The following PLXDC2 variants were observed in gnomAD, a reference collection of about 807,000 sequenced individuals.
The protein encoded by PLXDC2 is plexin domain-containing protein 2.
PLXDC2 carries 40 observed loss-of-function variants against 68.9 expected under a neutral mutation model. That is an observed-to-expected ratio of 0.58 (90% CI 0.45 to 0.76). PLXDC2 has a LOEUF of 0.76. Ranked by LOEUF, PLXDC2 falls within the 30% of genes least tolerant of loss-of-function variation. The pLI, the probability that PLXDC2 is intolerant of heterozygous loss-of-function variation, is 0.00. For missense variants in PLXDC2, 644 were observed against 661.9 expected (o/e 0.97, Z 0.30); for synonymous variants, 243 against 234.2 (o/e 1.04, Z -0.34).
intron 1 of PLXDC2, among the ~76,000 whole-genome samples, chr10:19,888,455 A>T (rs150483526): frequency 6.6e-6 from 1 of 152,164 alleles, no homozygotes; most frequent in African/African-American, 2.4e-5. Flanking sequence ...AGAGAGTTAG[A>T]CCTACAATGA....
chr10:19,926,736 A>G (rs1453483026), intron 1 of PLXDC2, among the ~76,000 whole-genome samples: 1 of 152,184 alleles, frequency 6.6e-6, no homozygotes, highest in Non-Finnish European at 1.5e-5. Context: ...AGAAGACTTC[A>G]CTGTGAAATG....
chr10:19,848,940 T>C (rs2131324431), intron 1 of PLXDC2, among the ~76,000 whole-genome samples: 1 of 152,336 alleles, frequency 6.6e-6, no homozygotes, highest in Admixed American at 6.5e-5. Context: ...TTTTTCACTT[T>C]AAGTGAGAAG....
intron 1 of PLXDC2, among the ~76,000 whole-genome samples, chr10:19,893,212 T>C (rs1169723800): frequency 6.6e-6 from 1 of 152,140 alleles, no homozygotes; most frequent in Admixed American, 6.5e-5. Context: ...GAGTCTAGTG[T>C]GAATAAAAAC....
intron 1 of PLXDC2, among the ~76,000 whole-genome samples, chr10:19,938,055 T>C (rs1485038961): frequency 1.3e-5 from 2 of 152,176 alleles, no homozygotes; most frequent in Non-Finnish European, 2.9e-5. Context: ...TCTATTTGCT[T>C]GGTGGCATCG....
At chr10:20,224,240 A>G (rs1292981984) in intron 12 of PLXDC2, among the ~76,000 whole-genome samples, 1 of 151,990 alleles carries the variant, frequency 6.6e-6, no homozygotes, top group African/African-American at 2.4e-5. Context: ...TCCCAAAGTG[A>G]TGGGATTACA....
At chr10:20,065,602 C>A (rs975818788) in intron 3 of PLXDC2, among the ~76,000 whole-genome samples, 1 of 152,108 alleles carries the variant, frequency 6.6e-6, no homozygotes, top group African/African-American at 2.4e-5. Flanking sequence ...ATACAACTCA[C>A]CATAATATAA....
chr10:20,118,408 G>C (rs1400885471), intron 4 of PLXDC2, among the ~76,000 whole-genome samples: 3 of 152,112 alleles, frequency 2.0e-5, no homozygotes, highest in African/African-American at 7.2e-5. Flanking sequence ...AAACACAACT[G>C]CAATCGGGGA....
chr10:20,012,808 G>A (rs1171451260), intron 2 of PLXDC2, among the ~76,000 whole-genome samples: 1 of 152,106 alleles, frequency 6.6e-6, no homozygotes, highest in Non-Finnish European at 1.5e-5. Flanking sequence ...TTTTCTTTTT[G>A]TGTTTCCCTG....
chr10:19,924,979 C>T (rs78397177), intron 1 of PLXDC2, among the ~76,000 whole-genome samples: 4 of 152,110 alleles, frequency 2.6e-5, no homozygotes, highest in Admixed American at 6.5e-5. Context: ...TCGGTTACCT[C>T]GCCATGCTTT....
At chr10:20,228,634 G>T (rs975106519) in intron 12 of PLXDC2, among the ~76,000 whole-genome samples, 6 of 150,472 alleles carry the variant, frequency 4.0e-5, no homozygotes, top group Non-Finnish European at 8.9e-5. Flanking sequence ...AGGAAGGGCG[G>T]AAGGGAGGGA....
chr10:19,849,936 G>A (rs1018482125), intron 1 of PLXDC2, among the ~76,000 whole-genome samples: 1 of 152,248 alleles, frequency 6.6e-6, no homozygotes, highest in Admixed American at 6.5e-5. Context: ...CTTCACCTGT[G>A]GTGTGGGCTT....
intron 1 of PLXDC2, among the ~76,000 whole-genome samples, chr10:19,817,730 G>T (rs1443204494): frequency 6.6e-6 from 1 of 152,232 alleles, no homozygotes; most frequent in Non-Finnish European, 1.5e-5. Context: ...GCTGGAAGGG[G>T]GGCGGGGTAA....
intron 4 of PLXDC2, among the ~76,000 whole-genome samples, chr10:20,089,225 A>G (rs1327605976): frequency 1.3e-5 from 2 of 151,184 alleles, no homozygotes; most frequent in East Asian, 3.9e-4. Context: ...TTTAAATACA[A>G]TGTAGAGATG....
At chr10:20,110,714 T>G (rs945511272) in intron 4 of PLXDC2, among the ~76,000 whole-genome samples, 1 of 152,184 alleles carries the variant, frequency 6.6e-6, no homozygotes, top group African/African-American at 2.4e-5. Flanking sequence ...GACCTCAGGA[T>G]TGGGGAATCA....
intron 1 of PLXDC2, among the ~76,000 whole-genome samples, chr10:19,888,126 G>A (rs1431703280): frequency 1.3e-5 from 2 of 152,184 alleles, no homozygotes; most frequent in Non-Finnish European, 2.9e-5. Flanking sequence ...TTTTTGAAGA[G>A]CTTTCCTTTC....
intron 1 of PLXDC2, among the ~76,000 whole-genome samples, chr10:19,904,433 C>T (rs1376081005): frequency 2.6e-5 from 4 of 152,104 alleles, no homozygotes; most frequent in Non-Finnish European, 5.9e-5. Flanking sequence ...CCCACTCCCA[C>T]ACAGCCCACA....
chr10:19,956,212 A>G (rs562544082), intron 1 of PLXDC2, among the ~76,000 whole-genome samples: 2 of 152,180 alleles, frequency 1.3e-5, no homozygotes, highest in Non-Finnish European at 2.9e-5. Context: ...TCCCTTTTAC[A>G]TGAAAACGAG....
At chr10:20,252,733 T>TC (rs1835694574) in intron 13 of PLXDC2, among the ~76,000 whole-genome samples, 1 of 152,208 alleles carries the variant, frequency 6.6e-6, no homozygotes. Flanking sequence ...GATCATCCTT[T>TC]CCTTCAGGGA....
chr10:20,209,087 G>A (rs753601990), intron 9 of PLXDC2, among the ~76,000 whole-genome samples: 1 of 152,038 alleles, frequency 6.6e-6, no homozygotes, highest in Non-Finnish European at 1.5e-5. Flanking sequence ...ATGAAGTTTC[G>A]GGCACGCATT....
Sources: allele counts gnomAD v4.1 joint callset (sites outside exome capture counted in the v4.1 genomes callset), GRCh38; gene constraint gnomAD v4.1.1; transcripts MANE v1.5; gene names NCBI Gene and HGNC (gene_info 2026-07-23, HGNC 2026-07-21).